Variants in NPC1 observed in about 807,000 individuals in gnomAD.
NPC1 encodes Niemann-Pick C1 protein.
NPC1 carries 85 observed loss-of-function variants against 140.4 expected under a neutral mutation model. The ratio of observed to expected loss-of-function variants is 0.61; its 90% CI spans 0.51 to 0.72. NPC1 has a LOEUF of 0.72. NPC1 is among the 30% of genes least tolerant of loss of function. The pLI is 0.00. For missense variants in NPC1, 1,504 were observed against 1,623.8 expected (o/e 0.93, Z 1.27); for synonymous variants, 656 against 624.8 (o/e 1.05, Z -0.74).
chr18:23,521,497 A>C (rs1378501606), downstream of NPC1, among the ~76,000 whole-genome samples: 1 of 152,180 alleles, frequency 6.6e-6, no homozygotes, highest in Non-Finnish European at 1.5e-5. Context: ...AGTCACAGTA[A>C]GTGCTTCGGC....
chr18:23,544,254 G>A (rs972061281), intron 13 of NPC1, 90 bp downstream of exon 13: 1 of 1,256,022 alleles, frequency 8.0e-7, no homozygotes, highest in Non-Finnish European at 1.1e-6. Flanking sequence ...CACCCTCACA[G>A]GTCACACTCA....
At chr18:23,549,296 A>T (rs534687213) in intron 10 of NPC1, among the ~76,000 whole-genome samples, 1 of 152,238 alleles carries the variant, frequency 6.6e-6, no homozygotes, top group Non-Finnish European at 1.5e-5. Context: ...TCTCAGGCTC[A>T]AGCAATCCTC....
downstream of NPC1, chr18:23,529,707 G>A: frequency 2.5e-6 from 4 of 1,612,822 alleles, no homozygotes; most frequent in Non-Finnish European, 3.4e-6. Context: ...TCAGATTGCA[G>A]TACAGGTACC....
At chr18:23,510,451 C>T (rs111336474) in intron 3 of NPC1, among the ~76,000 whole-genome samples, 47 of 152,108 alleles carry the variant, frequency 3.1e-4, no homozygotes, top group African/African-American at 1.1e-3. Flanking sequence ...AGTTCGAGAC[C>T]AGCATGGCCA....
Position 23,580,838 on chromosome 18 carries a change from G to A in NPC1, c.57+5449C>T, listed in dbSNP as rs1056485763. Among the ~76,000 whole-genome samples, 5 of 152,338 alleles carry A rather than the reference G, an allele frequency of 3.3e-5. No individual in the cohort carries two copies. In the East Asian group the frequency reaches 7.7e-4, roughly 23 times the overall value. On this transcript the variant is annotated intron_variant, in intron 1 of 24. Transcript: ENST00000269228. ...CTGCTTCTTTGGAGTCAGGGAGGCA[G>A]ACCAAACAAATATGGCAGGGCATTT...
intron 10 of NPC1, among the ~76,000 whole-genome samples, chr18:23,549,741 A>AC (rs2058840536): frequency 1.4e-5 from 2 of 144,712 alleles, no homozygotes; most frequent in South Asian, 4.3e-4. Flanking sequence ...TTTTTTCACA[A>AC]CTTTTTTTTT....
downstream of NPC1, chr18:23,528,974 G>C (rs1017078786): frequency 1.5e-6 from 1 of 689,156 alleles, no homozygotes; most frequent in African/African-American, 1.9e-5. Flanking sequence ...CTGCCTCCTG[G>C]GTTCAAGGGA....
At chr18:23,507,272 T>A (rs1014281806) in intron 3 of NPC1, among the ~76,000 whole-genome samples, 2 of 152,054 alleles carry the variant, frequency 1.3e-5, no homozygotes, top group African/African-American at 4.8e-5. Flanking sequence ...AATTAAAAAT[T>A]TTTTTTTGAG....
chr18:23,546,765 T>C (rs2058795944), intron 11 of NPC1, among the ~76,000 whole-genome samples: 2 of 152,212 alleles, frequency 1.3e-5, no homozygotes, highest in African/African-American at 4.8e-5. Context: ...TATTATTCTA[T>C]GCACATAAAA....
chr18:23,530,253 A>T (rs2058450352), downstream of NPC1: 7 of 1,614,042 alleles, frequency 4.3e-6, no homozygotes, highest in Non-Finnish European at 5.1e-6. Context: ...ATCCCTAGAG[A>T]GTTTCTATCC....
chr18:23,528,902 G>A (rs935968952), downstream of NPC1: 11 of 282,434 alleles, frequency 3.9e-5, no homozygotes, highest in African/African-American at 2.0e-4. Flanking sequence ...TTTTTGAGAC[G>A]GAGTTTTGTT....
At chr18:23,526,515 C>T (rs2058301880), downstream of NPC1, 3 of 1,166,900 alleles carry the variant, frequency 2.6e-6, no homozygotes, top group East Asian at 7.4e-5. Context: ...GCTACACTGA[C>T]TGTACTTTGC....
chr18:23,529,163 G>A (rs1391255134), downstream of NPC1: 1 of 1,606,352 alleles, frequency 6.2e-7, no homozygotes. Flanking sequence ...CATAGTTTGT[G>A]GTTTTTTTCT....
intron 2 of NPC1, among the ~76,000 whole-genome samples, chr18:23,572,413 T>A (rs2059216961): frequency 6.6e-6 from 1 of 152,170 alleles, no homozygotes; most frequent in Admixed American, 6.5e-5. Context: ...CTTTCTCTCC[T>A]CTCCTGACAA....
intron 4 of NPC1, among the ~76,000 whole-genome samples, chr18:23,562,402 C>G (rs2059056509): frequency 6.6e-6 from 1 of 151,918 alleles, no homozygotes; most frequent in Non-Finnish European, 1.5e-5. Flanking sequence ...GTGTATTACA[C>G]CTAAGAAAAT....
intron 1 of NPC1, among the ~76,000 whole-genome samples, chr18:23,585,184 C>T (rs2059402568): frequency 6.6e-6 from 1 of 152,114 alleles, no homozygotes; most frequent in Non-Finnish European, 1.5e-5. Context: ...CTCTGTTGCC[C>T]AGGCTGGAGT....
In NPC1 at chr18:23,539,437, G is replaced by C; in HGVS notation, c.2829C>G (p.Ile943Met). Reference protein sequence around the residue: ...TRIGFAPSSWIDDYFDWVKPQ... With the variant: ...TRIGFAPSSWMDDYFDWVKPQ... ...GCTTCACCCAGTCGAAATAATCGTC[G>C]ATCCAGGACGAGGGGGCGAAGCCTA... The change falls in exon 19 of 25, where the codon ATC becomes ATG. Residue 943 changes from isoleucine (I) to methionine (M), a missense_variant. Ile to Met is a conservative substitution (Grantham distance 10). Transcript: ENST00000269228. 2 of 1,613,578 alleles carry C rather than the reference G, an allele frequency of 1.2e-6. No individual in the cohort carries two copies. The highest frequency in any genetic ancestry group is 1.7e-6 in the Non-Finnish European group (2 of 1,179,752).
intron 1 of NPC1, among the ~76,000 whole-genome samples, chr18:23,579,761 G>A (rs945834904): frequency 6.6e-6 from 1 of 152,080 alleles, no homozygotes; most frequent in African/African-American, 2.4e-5. Flanking sequence ...ATGGTGGCAG[G>A]TGCCTGTAGT....
intron 1 of NPC1, chr18:23,522,939 A>G (rs1481992031): frequency 6.6e-6 from 1 of 152,266 alleles, no homozygotes; most frequent in Admixed American, 6.6e-5. Flanking sequence ...CACTTTTGGG[A>G]AGAGTCAGCC....
Sources: gnomAD v4.1 joint callset for allele counts (sites outside exome capture counted in the v4.1 genomes callset) on GRCh38, gnomAD v4.1.1 for gene constraint, MANE v1.5 for transcripts, NCBI Gene and HGNC (gene_info 2026-07-23, HGNC 2026-07-21) for gene names.